Variants in ZNF385D observed in about 807,000 individuals in gnomAD.
ZNF385D encodes the protein zinc finger protein 385D, also known as zinc finger protein 659.
Under a neutral mutation model 35.8 loss-of-function variants are expected in ZNF385D, and 15 were observed. The ratio of observed to expected loss-of-function variants is 0.42; its 90% CI spans 0.28 to 0.64. The LOEUF is 0.64. Among genes scored for constraint, ZNF385D ranks in the 30% least tolerant of loss-of-function variants. The pLI, the probability that ZNF385D is intolerant of heterozygous loss-of-function variation, is 0.23. For synonymous variants in ZNF385D, 212 were observed against 186.8 expected, an observed-to-expected ratio of 1.13 and a Z score of -1.10; for missense variants, 474 against 494.6, an observed-to-expected ratio of 0.96 and a Z score of 0.39.
At chr3:21,632,032 T>C (rs775335329) in intron 2 of ZNF385D, among the ~76,000 whole-genome samples, 3 of 152,152 alleles carry the variant, frequency 2.0e-5, no homozygotes, top group Non-Finnish European at 2.9e-5. Context: ...ATTTCCCTCA[T>C]TTCACCAATA....
At chr3:21,771,498 T>A (rs1172955780) in intron 3 of ZNF385D, among the ~76,000 whole-genome samples, 1 of 151,476 alleles carries the variant, frequency 6.6e-6, no homozygotes, top group Non-Finnish European at 1.5e-5. Flanking sequence ...AAAAAATAAG[T>A]CAACAGAAAT....
chr3:21,733,034 A>G (rs560280904), intron 1 of ZNF385D, among the ~76,000 whole-genome samples: 1 of 151,914 alleles, frequency 6.6e-6, no homozygotes, highest in Admixed American at 6.6e-5. Context: ...TTTTACATTT[A>G]TGTGTGTGAT....
intron 3 of ZNF385D, among the ~76,000 whole-genome samples, chr3:21,768,048 T>G (rs2070908229): frequency 6.6e-6 from 1 of 152,118 alleles, no homozygotes; most frequent in Non-Finnish European, 1.5e-5. Flanking sequence ...GCACTCATTT[T>G]GTACATTTCT....
intron 2 of ZNF385D, among the ~76,000 whole-genome samples, chr3:22,271,708 C>T (rs1231510366): frequency 6.6e-6 from 1 of 151,866 alleles, no homozygotes; most frequent in East Asian, 1.9e-4. Context: ...GTCTCCTTCT[C>T]ATCATTTAAA....
intron 3 of ZNF385D, among the ~76,000 whole-genome samples, chr3:21,521,816 A>C: frequency 6.6e-6 from 1 of 152,204 alleles, no homozygotes; most frequent in East Asian, 1.9e-4. Flanking sequence ...ATTTGTAAAA[A>C]TACTAGAAAA....
intron 3 of ZNF385D, among the ~76,000 whole-genome samples, chr3:22,047,102 G>A (rs925729193): frequency 6.6e-6 from 1 of 152,098 alleles, no homozygotes; most frequent in Non-Finnish European, 1.5e-5. Context: ...GAAGGCTTCT[G>A]ACATTCTTGT....
intron 3 of ZNF385D, among the ~76,000 whole-genome samples, chr3:21,857,738 T>C (rs1429403722): frequency 1.3e-5 from 2 of 151,914 alleles, no homozygotes; most frequent in African/African-American, 4.8e-5. Flanking sequence ...ACTGATGCTG[T>C]TAATTGACCA....
chr3:21,450,862 C>T (rs1702414490), intron 4 of ZNF385D, among the ~76,000 whole-genome samples: 1 of 152,158 alleles, frequency 6.6e-6, no homozygotes, highest in Non-Finnish European at 1.5e-5. Context: ...ACTGTCAAAA[C>T]ATAATTTCAA....
At chr3:21,930,309 T>C (rs1274386760) in intron 3 of ZNF385D, among the ~76,000 whole-genome samples, 1 of 148,410 alleles carries the variant, frequency 6.7e-6, no homozygotes, top group Non-Finnish European at 1.5e-5. Flanking sequence ...GGATCATAGA[T>C]TTAAACATAA....
rs536011319 is a variant in ZNF385D at position 21,769,518 on chromosome 3, C to A, written c.326-104490G>T. ...CAAAGAGAATAAAATACCTAGGAAT[C>A]CAACTTACAAGGGATGTGAAGGACC... On this transcript the variant is annotated intron_variant, in intron 3 of 5. Coordinates refer to the ZNF385D transcript ENST00000494108. 4.8e-3 allele frequency among the ~76,000 whole-genome samples: 574 copies of A among 118,578 alleles called. 30 individuals are homozygous for A. Among genetic ancestry groups the A allele is most frequent in the African/African-American group, 0.019 (550 of 28,466 alleles). 77.8% of individuals were successfully genotyped at this position (118,578 alleles called of 152,430 possible).
intron 2 of ZNF385D, among the ~76,000 whole-genome samples, chr3:21,631,517 T>C (rs2065281131): frequency 6.6e-6 from 1 of 152,130 alleles, no homozygotes; most frequent in Admixed American, 6.6e-5. Context: ...ATCAAGAAGA[T>C]CACCATAGAT....
At chr3:22,026,256 C>A (rs1270955211) in intron 3 of ZNF385D, among the ~76,000 whole-genome samples, 1 of 152,102 alleles carries the variant, frequency 6.6e-6, no homozygotes, top group East Asian at 1.9e-4. Context: ...CAAGACTTGA[C>A]CCAGTTTACA....
At chr3:22,148,056 A>C (rs985482557) in intron 3 of ZNF385D, among the ~76,000 whole-genome samples, 9 of 152,122 alleles carry the variant, frequency 5.9e-5, no homozygotes, top group Non-Finnish European at 1.2e-4. Flanking sequence ...ATTGTGGCTT[A>C]TTTTTAGTAT....
chr3:21,776,677 A>G (rs1575630821), intron 3 of ZNF385D, among the ~76,000 whole-genome samples: 1 of 151,982 alleles, frequency 6.6e-6, no homozygotes, highest in East Asian at 1.9e-4. Context: ...TTCTGGAAAT[A>G]TAATGTCTAA....
In ZNF385D at chr3:21,809,294, A is replaced by T. The variant is rs1190459181; in HGVS notation, c.326-144266T>A. 3.3e-5 allele frequency among the ~76,000 whole-genome samples: 5 copies of T among 152,220 alleles called. No individual in the cohort carries two copies. The East Asian group carries it at 5.8e-4, about 18-fold the overall frequency. The stretch of plus-strand genomic sequence containing the variant: ...ACTAAGGAGCTTTCAAGAATGGAAA[A>T]AGCAACAAAAGTGGTAAATACCTAG... On this transcript the variant is annotated intron_variant, in intron 3 of 5. Transcript: ENST00000494108.
intron 2 of ZNF385D, among the ~76,000 whole-genome samples, chr3:21,651,006 G>C (rs1291611958): frequency 6.6e-6 from 1 of 151,886 alleles, no homozygotes; most frequent in Non-Finnish European, 1.5e-5. Flanking sequence ...AGGGCCAGGC[G>C]CGGTGGCTCA....
chr3:21,961,215 A>G (rs897258628), intron 3 of ZNF385D, among the ~76,000 whole-genome samples: 2 of 152,132 alleles, frequency 1.3e-5, no homozygotes, highest in Non-Finnish European at 2.9e-5. Context: ...CTAAAAAAAT[A>G]AAAGAAAATA....
At chr3:21,964,454 A>AAAAAAAAAAAAT in intron 3 of ZNF385D, among the ~76,000 whole-genome samples, 1 of 122,516 alleles carries the variant, frequency 8.2e-6, no homozygotes, top group Non-Finnish European at 1.8e-5. Context: ...AAAGAAAAAG[A>AAAAAAAAAAAAT]TGTCCAATTT....
Position 21,733,006 on chromosome 3 carries a change from G to C in ZNF385D, c.22+17889C>G, listed in dbSNP as rs545522083. 2.0e-5 allele frequency among the ~76,000 whole-genome samples: 3 copies of C among 152,122 alleles called. No individual in the cohort carries two copies. In the East Asian group the frequency reaches 5.8e-4, roughly 29 times the overall value. ...GATTTTCTTCTATGTTATTTTCCAG[G>C]AGTTTTATAGTTTTGCATTTTACAT... On this transcript the variant is annotated intron_variant, in intron 1 of 7. Transcript: ENST00000281523.
Sources: gnomAD v4.1 joint callset for allele counts (sites outside exome capture counted in the v4.1 genomes callset) on GRCh38, gnomAD v4.1.1 for gene constraint, MANE v1.5 for transcripts, NCBI Gene and HGNC (gene_info 2026-07-23, HGNC 2026-07-21) for gene names.